The following SAXO5 variants were observed in gnomAD, a reference collection of about 807,000 sequenced individuals.
SAXO5 encodes stabilizer of axonemal microtubules 5, also known as testis expressed 45.
At chr19:7,506,951 G>A in the SAXO5 span, 3 of 868,354 alleles carry the variant, frequency 3.5e-6, no homozygotes, top group Admixed American at 2.1e-5. Context: ...CAACTTCAGC[G>A]CTGGCCTGGG....
chr19:7,508,333 TCGTGCCC>T, the SAXO5 span: 1 of 1,613,950 alleles, frequency 6.2e-7, no homozygotes, highest in Middle Eastern at 1.7e-4. Context: ...CAGGAGGGCT[TCGTGCCC>T]CTGGGCACGC....
chr19:7,499,932 T>TTGTG, the SAXO5 span: 4,036 of 108,950 alleles, frequency 0.037, 152 homozygotes, highest in African/African-American at 0.094. Context: ...CTTGTCTAAT[T>TTGTG]TGTGTGTGTG....
chr19:7,505,870 T>C, the SAXO5 span: 1 of 1,259,608 alleles, frequency 7.9e-7, no homozygotes, highest in South Asian at 1.4e-5. Flanking sequence ...GTGAGGGAGC[T>C]GTCCAAGGTC....
At chr19:7,507,574 T>A in the SAXO5 span, among the ~76,000 whole-genome samples, 1 of 144,922 alleles carries the variant, frequency 6.9e-6, no homozygotes, top group African/African-American at 2.5e-5. Context: ...AGCAAGACTC[T>A]GCCTCAAAAA....
the SAXO5 span, among the ~76,000 whole-genome samples, chr19:7,501,598 G>A: frequency 4.6e-5 from 7 of 151,822 alleles, no homozygotes; most frequent in Non-Finnish European, 8.8e-5. Context: ...GAGGCGGGGG[G>A]ATCGCTTGAG....
chr19:7,506,093 T>C, the SAXO5 span: 3 of 1,613,624 alleles, frequency 1.9e-6, no homozygotes, highest in South Asian at 3.3e-5. Flanking sequence ...CTACTGCCCT[T>C]CAGAGTGGAG....
the SAXO5 span, among the ~76,000 whole-genome samples, chr19:7,498,457 C>T: frequency 2.8e-5 from 4 of 141,622 alleles, no homozygotes; most frequent in Non-Finnish European, 6.0e-5. Context: ...AGTGCAATGG[C>T]GCAATCTTGG....
chr19:7,507,187 A>C, the SAXO5 span: 1 of 1,498,206 alleles, frequency 6.7e-7, no homozygotes, highest in Non-Finnish European at 9.3e-7. Flanking sequence ...CAACCCCCAC[A>C]TTGGTGTAGA....
the SAXO5 span, chr19:7,500,902 C>T: frequency 6.3e-7 from 1 of 1,581,234 alleles, no homozygotes; most frequent in Non-Finnish European, 8.5e-7. Flanking sequence ...TCGCACTTCT[C>T]GCTGGGGCCT....
the SAXO5 span, chr19:7,501,144 A>G: frequency 2.7e-6 from 4 of 1,509,388 alleles, no homozygotes; most frequent in Admixed American, 2.1e-5. Flanking sequence ...CACGCTCGCC[A>G]TGCAGGCCGG....
At chr19:7,506,224 G>A in the SAXO5 span, 46 of 1,133,488 alleles carry the variant, frequency 4.1e-5, no homozygotes, top group Admixed American at 2.2e-4. Flanking sequence ...CCCCACCCCC[G>A]AAAGCCCCGC....
chr19:7,506,707 TTCTC>T, the SAXO5 span: 3 of 357,624 alleles, frequency 8.4e-6, no homozygotes, highest in Admixed American at 4.4e-5. Flanking sequence ...TCCTCCCCCT[TTCTC>T]TGGCTCCTTC....
At chr19:7,508,127 C>A in the SAXO5 span, 2 of 1,240,058 alleles carry the variant, frequency 1.6e-6, no homozygotes, top group Non-Finnish European at 1.2e-6. Flanking sequence ...ACTCATCAGG[C>A]CTGGAGATCC....
At chr19:7,506,067 C>T in the SAXO5 span, 1 of 1,613,968 alleles carries the variant, frequency 6.2e-7, no homozygotes, top group Non-Finnish European at 8.5e-7. Flanking sequence ...TTCTTCAAGA[C>T]CACCATGGGC....
At chr19:7,505,962 A>G in the SAXO5 span, 1 of 1,575,178 alleles carries the variant, frequency 6.3e-7, no homozygotes, top group Non-Finnish European at 8.6e-7. Flanking sequence ...GTGGTCCTAC[A>G]GCCGCCACCC....
the SAXO5 span, chr19:7,508,121 A>G: frequency 4.3e-6 from 5 of 1,168,848 alleles, no homozygotes; most frequent in Admixed American, 1.0e-4. Context: ...CCCCTGACTC[A>G]TCAGGCCTGG....
chr19:7,504,599 C>T, the SAXO5 span, among the ~76,000 whole-genome samples: 2 of 151,774 alleles, frequency 1.3e-5, no homozygotes, highest in Non-Finnish European at 2.9e-5. Flanking sequence ...CCAGTTACTC[C>T]GGAGGCTGAG....
At chr19:7,501,106 A>G in the SAXO5 span, 1 of 1,504,716 alleles carries the variant, frequency 6.6e-7, no homozygotes, top group South Asian at 1.2e-5. Context: ...CCGCCGTGGG[A>G]GCTGCTGCAA....
chr19:7,506,505 C>T, the SAXO5 span: 2 of 404,784 alleles, frequency 4.9e-6, no homozygotes, highest in African/African-American at 2.1e-5. Flanking sequence ...TCCATCCTCT[C>T]TTATCCAGTC....
Sources: allele counts gnomAD v4.1 joint callset (sites outside exome capture counted in the v4.1 genomes callset), GRCh38; gene constraint gnomAD v4.1.1; transcripts MANE v1.5; gene names NCBI Gene and HGNC (gene_info 2026-07-23, HGNC 2026-07-21).